Variants in PCDH15 observed in about 807,000 individuals in gnomAD.
PCDH15 encodes the protein protocadherin-15.
A neutral mutation model predicts 178.5 loss-of-function variants in PCDH15; 129 were observed. The ratio of observed to expected loss-of-function variants is 0.72; its 90% CI spans 0.63 to 0.84. The LOEUF (loss-of-function observed/expected upper bound fraction) is 0.84, where lower values mean the gene tolerates loss of function less well. PCDH15 is among the 40% of genes least tolerant of loss of function. The probability of loss-of-function intolerance (pLI) is 0.00; values close to 1 mark genes in which losing one functional copy is unlikely to be tolerated. For synonymous variants in PCDH15, 800 were observed against 732.0 expected, an observed-to-expected ratio of 1.09 and a Z score of -1.50; for missense variants, 2,230 against 2,099.9, an observed-to-expected ratio of 1.06 and a Z score of -1.21.
intron 2 of PCDH15, among the ~76,000 whole-genome samples, chr10:55,619,991 A>T (rs992473991): frequency 2.6e-5 from 4 of 152,102 alleles, no homozygotes; most frequent in Non-Finnish European, 5.9e-5. Flanking sequence ...GGGTAGGAGT[A>T]CTATTCCTTT....
chr10:53,949,556 G>T (rs1293320035), intron 23 of PCDH15, among the ~76,000 whole-genome samples: 1 of 152,012 alleles, frequency 6.6e-6, no homozygotes, highest in South Asian at 2.1e-4. Flanking sequence ...AATATAGCAA[G>T]ACACTGTCAC....
chr10:55,148,076 T>C (rs1201936921), intron 2 of PCDH15, among the ~76,000 whole-genome samples: 2 of 150,374 alleles, frequency 1.3e-5, no homozygotes, highest in Non-Finnish European at 3.0e-5. Context: ...CTAAAGAAAA[T>C]ATTTTAACAG....
At chr10:54,933,579 T>G (rs1031163045) in intron 2 of PCDH15, among the ~76,000 whole-genome samples, 2 of 152,148 alleles carry the variant, frequency 1.3e-5, no homozygotes, top group African/African-American at 4.8e-5. Context: ...TACAGGAAAT[T>G]TATCAGCATA....
chr10:54,888,782 AT>A, intron 3 of PCDH15, among the ~76,000 whole-genome samples: 1 of 76,148 alleles, frequency 1.3e-5, no homozygotes, highest in Non-Finnish European at 2.8e-5. Context: ...GTGCTTGTTC[AT>A]TTTTTCTTTT....
intron 3 of PCDH15, among the ~76,000 whole-genome samples, chr10:54,466,992 T>G (rs2077562320): frequency 1.3e-5 from 2 of 151,968 alleles, no homozygotes; most frequent in Admixed American, 1.3e-4. Context: ...CCGATTTGTG[T>G]ATGATTAATA....
intron 3 of PCDH15, among the ~76,000 whole-genome samples, chr10:54,811,499 T>G (rs1030902667): frequency 2.6e-5 from 4 of 152,156 alleles, no homozygotes; most frequent in African/African-American, 9.7e-5. Context: ...TGAGATGTAT[T>G]TGTGCTCTGT....
chr10:54,093,208 T>A (rs1292679309), intron 15 of PCDH15, among the ~76,000 whole-genome samples: 1 of 152,174 alleles, frequency 6.6e-6, no homozygotes. Context: ...ACAATTTGCC[T>A]ACTTCATTCT....
At chr10:54,550,218 C>A (rs375052790) in intron 2 of PCDH15, among the ~76,000 whole-genome samples, 1 of 151,934 alleles carries the variant, frequency 6.6e-6, no homozygotes, top group East Asian at 1.9e-4. Flanking sequence ...TTTTGTTATC[C>A]GTGTTTTTAG....
intron 3 of PCDH15, among the ~76,000 whole-genome samples, chr10:54,505,737 T>C (rs981707423): frequency 2.6e-5 from 4 of 152,066 alleles, no homozygotes; most frequent in Admixed American, 6.6e-5. Context: ...ATAGCACGTG[T>C]ATACCTGTGC....
At chr10:55,596,820 G>T (rs1842944184) in intron 2 of PCDH15, among the ~76,000 whole-genome samples, 1 of 152,090 alleles carries the variant, frequency 6.6e-6, no homozygotes, top group Non-Finnish European at 1.5e-5. Context: ...TTTGGAATAT[G>T]ATAAAAATAA....
At chr10:54,781,269 A>G (rs1050611762) in intron 1 of PCDH15, among the ~76,000 whole-genome samples, 2 of 151,952 alleles carry the variant, frequency 1.3e-5, no homozygotes, top group Admixed American at 6.6e-5. Flanking sequence ...GCACCCATCA[A>G]CCCATCATCT....
intron 1 of PCDH15, among the ~76,000 whole-genome samples, chr10:55,259,494 G>A (rs1564941696): frequency 6.6e-6 from 1 of 152,174 alleles, no homozygotes; most frequent in Admixed American, 6.5e-5. Context: ...TTTTATTTGG[G>A]AAAATGGAAG....
intron 13 of PCDH15, among the ~76,000 whole-genome samples, chr10:54,162,757 G>T (rs140714565): frequency 6.6e-6 from 1 of 152,194 alleles, no homozygotes; most frequent in African/African-American, 2.4e-5. Flanking sequence ...GGCCTTTTTC[G>T]TTGGTTATAT....
At chr10:55,097,523 CAA>C (rs1181926637) in intron 2 of PCDH15, among the ~76,000 whole-genome samples, 4 of 152,054 alleles carry the variant, frequency 2.6e-5, no homozygotes, top group Non-Finnish European at 5.9e-5. Flanking sequence ...TTTGTATTGA[CAA>C]AATATACAAT....
intron 21 of PCDH15, chr10:53,994,907 A>G (rs1049211433): frequency 6.6e-6 from 1 of 152,010 alleles, no homozygotes; most frequent in Non-Finnish European, 1.5e-5. Flanking sequence ...TCAGGATTTT[A>G]TTTTCTTACT....
chr10:54,991,522 T>G (rs1448423942), intron 2 of PCDH15, among the ~76,000 whole-genome samples: 1 of 152,180 alleles, frequency 6.6e-6, no homozygotes, highest in Non-Finnish European at 1.5e-5. Flanking sequence ...ACTAATTTTA[T>G]ACACACAGGG....
intron 2 of PCDH15, among the ~76,000 whole-genome samples, chr10:55,030,789 A>C (rs1249678140): frequency 6.6e-6 from 1 of 152,224 alleles, no homozygotes; most frequent in Admixed American, 6.5e-5. Flanking sequence ...GGAGCAAATC[A>C]AATGAATGGA....
intron 15 of PCDH15, among the ~76,000 whole-genome samples, chr10:54,093,855 C>T (rs1174875889): frequency 6.6e-6 from 1 of 152,050 alleles, no homozygotes; most frequent in African/African-American, 2.4e-5. Flanking sequence ...ATAACTGTAT[C>T]ATCTTGAAAA....
chr10:55,541,824 G>C (rs2132076951), intron 2 of PCDH15, among the ~76,000 whole-genome samples: 1 of 151,922 alleles, frequency 6.6e-6, no homozygotes, highest in East Asian at 1.9e-4. Context: ...GTCAAAGTTA[G>C]CACCAGAATC....
Sources: gnomAD v4.1 joint callset for allele counts (sites outside exome capture counted in the v4.1 genomes callset) on GRCh38, gnomAD v4.1.1 for gene constraint, MANE v1.5 for transcripts, NCBI Gene and HGNC (gene_info 2026-07-23, HGNC 2026-07-21) for gene names.